CNTLN: variants seen among roughly 807,000 people sequenced by gnomAD.
CNTLN encodes centlein, centrosomal protein.
CNTLN carries 212 observed loss-of-function variants against 180.0 expected under a neutral mutation model. The ratio of observed to expected loss-of-function variants is 1.18; its 90% CI spans 1.05 to 1.32. The LOEUF (loss-of-function observed/expected upper bound fraction) is 1.32. CNTLN is among the 40% of genes most tolerant of loss of function. The pLI is 0.00. For missense variants in CNTLN, 2,095 were observed against 1,610.9 expected, an observed-to-expected ratio of 1.30 and a Z score of -5.14; for synonymous variants, 722 against 563.1, an observed-to-expected ratio of 1.28 and a Z score of -3.99.
At chr9:17,290,456 C>G (rs1017034536) in intron 6 of CNTLN, among the ~76,000 whole-genome samples, 1 of 148,328 alleles carries the variant, frequency 6.7e-6, no homozygotes, top group African/African-American at 2.5e-5. Context: ...TTACTGCTGT[C>G]TTTTTGTTTG....
chr9:17,290,876 G>T (rs919361273), intron 6 of CNTLN, among the ~76,000 whole-genome samples: 2 of 152,208 alleles, frequency 1.3e-5, no homozygotes, highest in African/African-American at 2.4e-5. Context: ...CTCGCGCATG[G>T]TGCGTGCACC....
chr9:17,290,598 C>G (rs998677398), intron 6 of CNTLN, among the ~76,000 whole-genome samples: 1 of 141,130 alleles, frequency 7.1e-6, no homozygotes, highest in Non-Finnish European at 1.6e-5. Context: ...GCGGGCGCCC[C>G]TCCCCCAGCC....
chr9:17,207,953 TATTTC>T (rs1327184901), intron 2 of CNTLN, among the ~76,000 whole-genome samples: 1 of 152,204 alleles, frequency 6.6e-6, no homozygotes, highest in African/African-American at 2.4e-5. Flanking sequence ...GGATGCTCTT[TATTTC>T]ATTCTCTTGT....
intron 14 of CNTLN, among the ~76,000 whole-genome samples, chr9:17,390,540 G>C (rs574403733): frequency 6.6e-6 from 1 of 151,986 alleles, no homozygotes; most frequent in Non-Finnish European, 1.5e-5. Flanking sequence ...CACTGCACCC[G>C]GCCTGAAAAG....
At chr9:17,304,277 C>G (rs1471927957) in intron 7 of CNTLN, among the ~76,000 whole-genome samples, 1 of 152,254 alleles carries the variant, frequency 6.6e-6, no homozygotes, top group South Asian at 2.1e-4. Flanking sequence ...GAGAAAAACA[C>G]CTATCAAGAT....
chr9:17,146,800 T>A (rs529750896), intron 2 of CNTLN, among the ~76,000 whole-genome samples: 5 of 152,260 alleles, frequency 3.3e-5, no homozygotes, highest in African/African-American at 1.2e-4. Flanking sequence ...AAAAATTACT[T>A]ATTTTTTAAT....
At chr9:17,250,743 T>TA (rs1826089365) in intron 5 of CNTLN, among the ~76,000 whole-genome samples, 1 of 152,092 alleles carries the variant, frequency 6.6e-6, no homozygotes, top group Admixed American at 6.6e-5. Flanking sequence ...ATATAGTTTT[T>TA]ATGTGTTTGT....
chr9:17,296,869 GA>G (rs1398015356), intron 6 of CNTLN, among the ~76,000 whole-genome samples: 4 of 152,162 alleles, frequency 2.6e-5, no homozygotes, highest in African/African-American at 9.7e-5. Flanking sequence ...CTAAGGAGCG[GA>G]ACTCCTTGCT....
chr9:17,390,531 A>G (rs537744417), intron 14 of CNTLN, among the ~76,000 whole-genome samples: 25 of 152,082 alleles, frequency 1.6e-4, no homozygotes, highest in Non-Finnish European at 3.1e-4. Context: ...GGCATGAGCC[A>G]CTGCACCCGG....
chr9:17,485,427 C>G lies in CNTLN; in HGVS notation c.4041+947C>G, dbSNP rs1020941023. Among the ~76,000 whole-genome samples the G allele has an allele frequency of 1.3e-4, 20 of 152,004 alleles. 1 individual carries two copies. Among genetic ancestry groups the G allele is most frequent in the Admixed American group, 1.1e-3 (17 of 15,258 alleles). The stretch of plus-strand genomic sequence containing the variant: ...TTATTTTCATCCAGTGGGTGAATTC[C>G]CAGTTTCTGTTTTCAGCAGCTATGC... On this transcript the variant is annotated intron_variant, in intron 24 of 25. Coordinates refer to ENST00000380647, the MANE Select transcript of CNTLN (RefSeq NM_017738.4).
intron 7 of CNTLN, 104 bp downstream of exon 7, chr9:17,298,456 C>G: frequency 7.4e-7 from 1 of 1,344,720 alleles, no homozygotes; most frequent in Non-Finnish European, 9.6e-7. Context: ...TTTTTACTTC[C>G]TTTTACATGT....
intron 15 of CNTLN, among the ~76,000 whole-genome samples, chr9:17,400,057 C>T (rs769671749): frequency 1.3e-5 from 2 of 151,778 alleles, no homozygotes; most frequent in Non-Finnish European, 2.9e-5. Flanking sequence ...TGCTAATCTG[C>T]ATTTTTACGG....
chr9:17,222,348 C>T (rs540867438), intron 2 of CNTLN, among the ~76,000 whole-genome samples: 15 of 152,076 alleles, frequency 9.9e-5, no homozygotes, highest in Admixed American at 3.9e-4. Flanking sequence ...TTAGGCTCTG[C>T]GTCTCCACCC....
chr9:17,500,075 A>G (rs1392217523), intron 25 of CNTLN, among the ~76,000 whole-genome samples: 1 of 152,192 alleles, frequency 6.6e-6, no homozygotes, highest in Non-Finnish European at 1.5e-5. Flanking sequence ...AGGGCAGTAG[A>G]TGTACACATA....
At chr9:17,254,911 C>A (rs989042242) in intron 5 of CNTLN, among the ~76,000 whole-genome samples, 5 of 151,680 alleles carry the variant, frequency 3.3e-5, no homozygotes, top group Admixed American at 6.6e-5. Flanking sequence ...GTCTTCCAAT[C>A]CAGTGACATG....
rs144844305 is a variant in CNTLN at position 17,299,879 on chromosome 9, T to C, written c.1146+1527T>C. On this transcript the variant is annotated intron_variant, in intron 7 of 25. Coordinates refer to ENST00000380647, the MANE Select transcript of CNTLN (RefSeq NM_017738.4). ...TCCCCTCTTGGCTTCCATTGTACTATAATTGGGTGGCTTTCTTCCTTCAGT... is the reference window on the plus strand; with the variant it reads ...TCCCCTCTTGGCTTCCATTGTACTACAATTGGGTGGCTTTCTTCCTTCAGT... The C allele has an allele frequency of 4.5e-3, 3,527 of 779,054 alleles. 18 individuals are homozygous for C. The highest frequency in any genetic ancestry group is 4.6e-3 in the Non-Finnish European group (2,970 of 642,516). The allele number at this position is 779,054 out of a possible 1,614,324, so 48.3% of individuals were successfully genotyped here. A position where few individuals can be genotyped will look rare whatever the true frequency, so the allele number is the denominator to read the frequency against.
chr9:17,212,388 C>T (rs1315782663), intron 2 of CNTLN, among the ~76,000 whole-genome samples: 1 of 152,224 alleles, frequency 6.6e-6, no homozygotes, highest in African/African-American at 2.4e-5. Context: ...ACCAGCCTTG[C>T]ATCCTAGGGG....
intron 7 of CNTLN, among the ~76,000 whole-genome samples, chr9:17,303,965 G>T (rs1017414163): frequency 6.6e-6 from 1 of 152,030 alleles, no homozygotes; most frequent in Non-Finnish European, 1.5e-5. Context: ...AATGAAGTTT[G>T]TTTCCTCTGT....
Position 17,395,089 on chromosome 9 carries a change from A to T in CNTLN, c.2615+20A>T, listed in dbSNP as rs1826415407. ...AAGCAGGTAAGGCTCTCATTAACTTAGCTCTGTGGTGGGGACACTGCGCAT... is the reference window on the plus strand; with the variant it reads ...AAGCAGGTAAGGCTCTCATTAACTTTGCTCTGTGGTGGGGACACTGCGCAT... On this transcript the variant is annotated intron_variant, in intron 15 of 25. Coordinates refer to ENST00000380647, the MANE Select transcript of CNTLN (RefSeq NM_017738.4). 5 of 1,586,774 alleles carry T rather than the reference A, an allele frequency of 3.2e-6. No individual in the cohort carries two copies. The South Asian group carries it at 5.7e-5, about 18-fold the overall frequency.
Sources: gnomAD v4.1 joint callset for allele counts (sites outside exome capture counted in the v4.1 genomes callset) on GRCh38, gnomAD v4.1.1 for gene constraint, MANE v1.5 for transcripts, NCBI Gene and HGNC (gene_info 2026-07-23, HGNC 2026-07-21) for gene names.